AHNAK2: variants seen among roughly 807,000 people sequenced by gnomAD.
AHNAK2 encodes the protein protein AHNAK2.
Under a neutral mutation model 30.7 loss-of-function variants are expected in AHNAK2, and 18 were observed. That is an observed-to-expected ratio of 0.59 (90% confidence interval 0.41 to 0.87). AHNAK2 has a LOEUF of 0.87. Among genes scored for constraint, AHNAK2 ranks in the 40% least tolerant of loss-of-function variants. The probability of loss-of-function intolerance (pLI) is 0.00; values close to 1 mark genes in which losing one functional copy is unlikely to be tolerated. For synonymous variants in AHNAK2, 3,590 were observed against 3,073.8 expected (o/e 1.17, Z -5.56); for missense variants, 8,604 against 7,373.0 (o/e 1.17, Z -6.11).
rs750931427 is a variant in AHNAK2 at position 104,951,030 on chromosome 14, C to G, written c.4421G>C (p.Arg1474Pro). The G allele has an allele frequency of 9.4e-6, 10 of 1,062,428 alleles. 4 individuals carry two copies. The highest frequency in any genetic ancestry group is 5.8e-5 in the African/African-American group (4 of 69,014). 65.8% of individuals were successfully genotyped at this position (1,062,428 alleles called of 1,614,324 possible). Residue 1474 changes from arginine (R) to proline (P), a missense_variant, in exon 7 of 7, where the codon CGG becomes CCG. By Grantham distance (103) the Arg-to-Pro change is moderately radical. Transcript: ENST00000333244. ...GGCCAGGGACATGTCCTCCTCCAGC[C>G]GTCCACCATCCAGCTTGGCTCCTGG... ...EAPGAKLDGG[R>P]LEEDMSLADK...
intron 1 of AHNAK2, among the ~76,000 whole-genome samples, chr14:104,976,385 G>A (rs1382754340): frequency 2.0e-5 from 3 of 152,218 alleles, no homozygotes; most frequent in Non-Finnish European, 4.4e-5. Context: ...ACAGGAAGAC[G>A]AGAGCAGGGG....
rs370273950 is a variant in AHNAK2, at chr14:104,947,574, T to G, written c.7877A>C (p.Asp2626Ala). 2 of 1,612,842 alleles carry G rather than the reference T, an allele frequency of 1.2e-6. No individual in the cohort carries two copies. Among genetic ancestry groups the G allele is most frequent in the African/African-American group, 1.3e-5 (1 of 74,548 alleles). Residue 2626 changes from aspartate to alanine, a missense_variant, in exon 7 of 7, where the codon GAT (aspartate) becomes GCT (alanine). Transcript: ENST00000333244. Reference protein sequence around the residue: ...VDVQAPRAKLDGARLEGDLSL... With the variant: ...VDVQAPRAKLAGARLEGDLSL... ...CAGGTCCCCCTCCAGCCGCGCACCA[T>G]CCAGCTTTGCTCTCGGGGCCTGGAC...
At position 104,943,789 on chromosome 14, in the gene AHNAK2, T is replaced by C. The variant is rs1383110003; in HGVS notation, c.11662A>G (p.Lys3888Glu). Residue 3888 changes from lysine to glutamate, a missense_variant, in exon 7 of 7, where the codon AAG (lysine) becomes GAG (glutamate). Lys to Glu is a moderately conservative substitution (Grantham distance 56). Coordinates refer to ENST00000333244, the MANE Select transcript of AHNAK2 (RefSeq NM_138420.4). ...ATCTTGAAACTGGGCATCTGCACCTTGGGCAGGTGTCCTTTGAGGCCGGCT... is the reference window on the plus strand; with the variant it reads ...ATCTTGAAACTGGGCATCTGCACCTCGGGCAGGTGTCCTTTGAGGCCGGCT... ...EEAGLKGHLP[K>E]VQMPSFKMPK... The C allele has an allele frequency of 6.2e-7, 1 of 1,612,978 alleles. No individual in the cohort carries two copies. Among genetic ancestry groups the C allele is most frequent in the Non-Finnish European group, 8.5e-7 (1 of 1,179,564 alleles).
Position 104,939,887 on chromosome 14 carries a change from G to C in AHNAK2, c.15564C>G (p.Ser5188Arg), listed in dbSNP as rs367921698. ...EEAMTKYSQE[S>R]WFKMPKFRMP... is the part of the protein sequence containing the mutation. ...TGCGGAACTTGGGCATTTTAAACCA[G>C]CTTTCCTGCGAGTACTTGGTCATGG... The change falls in exon 7 of 7, where the codon AGC becomes AGG. Residue 5188 changes from serine to arginine, a missense_variant. Physicochemically the swap from Ser to Arg is moderately radical, Grantham distance 110. Coordinates refer to ENST00000333244, the MANE Select transcript of AHNAK2 (RefSeq NM_138420.4). 8.7e-6 allele frequency: 14 copies of C among 1,613,438 alleles called. No individual in the cohort carries two copies. The Admixed American group carries it at 1.0e-4, about 12-fold the overall frequency.
intron 4 of AHNAK2, 74 bp from the exon 5 acceptor site, chr14:104,955,707 G>C: frequency 6.5e-7 from 1 of 1,541,730 alleles, no homozygotes. Flanking sequence ...TGGGGCCTGT[G>C]TCTCCAGAGG....
intron 1 of AHNAK2, among the ~76,000 whole-genome samples, chr14:104,973,282 TG>T (rs1222354349): frequency 6.6e-6 from 1 of 152,142 alleles, no homozygotes; most frequent in Admixed American, 6.5e-5. Flanking sequence ...GGAGTCGCCA[TG>T]GGAACTCGGC....
intron 1 of AHNAK2, among the ~76,000 whole-genome samples, chr14:104,962,162 C>T (rs533005379): frequency 2.8e-4 from 42 of 152,278 alleles, no homozygotes; most frequent in Non-Finnish European, 5.9e-5. Flanking sequence ...CATCAACCAA[C>T]GAGACCAAAC....
chr14:104,953,417 G>C lies in AHNAK2; in HGVS notation c.2034C>G (p.Pro678=), dbSNP rs1207761582. 6.8e-6 allele frequency: 11 copies of C among 1,614,008 alleles called. No homozygotes were observed. Among genetic ancestry groups the C allele is most frequent in the Non-Finnish European group, 9.3e-6 (11 of 1,179,890 alleles). Residue 678 remains proline (P), a synonymous_variant, in exon 7 of 7, where the codon CCC becomes CCG. Coordinates refer to ENST00000333244, the MANE Select transcript of AHNAK2 (RefSeq NM_138420.4). ...CCCCGAACAATGGCATCTTGAACTT[G>C]GGCATTTTGAACTTGCTGTCTTTGG... The part of the protein sequence containing the change: ...VATKDSKFKM[P]KFKMPLFGAS...
rs759209382 is a variant in AHNAK2 at position 104,950,245 on chromosome 14, C to T, written c.5206G>A (p.Gly1736Ser). Residue 1736 changes from glycine (G) to serine (S), a missense_variant, in exon 7 of 7, where the codon GGC (glycine) becomes AGC (serine). Physicochemically the swap from Gly to Ser is moderately conservative, Grantham distance 56. Coordinates refer to ENST00000333244, the MANE Select transcript of AHNAK2 (RefSeq NM_138420.4). ...ACCTTGGGGAGGTGCCCTTTGAAGC[C>T]GGCTCCCTCGGGAAGGGGGCCCTCC... ...LPEGPLPEGA[G>S]FKGHLPKVQM... 19 of 1,585,504 alleles carry T rather than the reference C, an allele frequency of 1.2e-5. 3 individuals are homozygous for T. The highest frequency in any genetic ancestry group is 7.8e-5 in the South Asian group (7 of 89,814).
At chr14:104,962,001 G>C (rs984420239) in intron 1 of AHNAK2, among the ~76,000 whole-genome samples, 1 of 152,094 alleles carries the variant, frequency 6.6e-6, no homozygotes, top group Non-Finnish European at 1.5e-5. Flanking sequence ...AAAACACCTA[G>C]ATCTCCTTTT....
At position 104,950,267 on chromosome 14, in the gene AHNAK2, C is replaced by T. The variant is rs781573557; in HGVS notation, c.5184G>A (p.Glu1728=). ...AGCCGGCTCCCTCGGGAAGGGGGCCCTCCGGGAGTTTCACGTTCACTTGGC... is the reference window on the plus strand; with the variant it reads ...AGCCGGCTCCCTCGGGAAGGGGGCCTTCCGGGAGTTTCACGTTCACTTGGC... The part of the protein sequence containing the change: ...QAGQVNVKLP[E]GPLPEGAGFK... The change falls in exon 7 of 7, where the codon GAG becomes GAA. Residue 1728 remains glutamate (E), a synonymous_variant. Transcript: ENST00000333244. The T allele has an allele frequency of 3.2e-6, 5 of 1,585,424 alleles. No individual in the cohort carries two copies. The highest frequency in any genetic ancestry group is 2.8e-5 in the African/African-American group (2 of 71,750).
At position 104,945,251 on chromosome 14, in the gene AHNAK2, C is replaced by T; in HGVS notation, c.10200G>A (p.Lys3400=). 1 of 1,613,036 alleles carries T rather than the reference C, an allele frequency of 6.2e-7. No individual in the cohort carries two copies. The highest frequency in any genetic ancestry group is 8.5e-7 in the Non-Finnish European group (1 of 1,179,602). ...GGCTCTTGAGGTCCACTTTGGGCAT[C>T]TTGAAACTGGGCATCTCCACCTTGG... ...HLPKVEMPSF[K]MPKVDLKSPQ... is the part of the protein sequence containing the mutation. Residue 3400 remains lysine, a synonymous_variant, in exon 7 of 7, where the codon AAG becomes AAA. Coordinates refer to ENST00000333244, the MANE Select transcript of AHNAK2 (RefSeq NM_138420.4).
At position 104,946,172 on chromosome 14, in the gene AHNAK2, C is replaced by T. The variant is rs751826333; in HGVS notation, c.9279G>A (p.Pro3093=). The stretch of plus-strand genomic sequence containing the variant: ...CGTCGGGGGCCGTCACGTCCGTCTT[C>T]GGGCCTTTCAGGTCCAGCTTGGGGC... The part of the protein sequence containing the change: ...VKGPKLDLKG[P]KTDVTAPDVE... Residue 3093 remains proline, a synonymous_variant, in exon 7 of 7, where the codon CCG becomes CCA. Transcript: ENST00000333244. 3.9e-5 allele frequency: 62 copies of T among 1,606,234 alleles called. No individual in the cohort carries two copies. Among genetic ancestry groups the T allele is most frequent in the East Asian group, 1.1e-4 (5 of 44,488 alleles).
intron 1 of AHNAK2, among the ~76,000 whole-genome samples, chr14:104,977,018 G>T (rs1899609633): frequency 6.6e-6 from 1 of 152,130 alleles, no homozygotes; most frequent in East Asian, 1.9e-4. Flanking sequence ...GTGCTGTAGG[G>T]GCCTCCCTGC....
chr14:104,962,293 C>A (rs1899170511), intron 1 of AHNAK2, among the ~76,000 whole-genome samples: 1 of 152,208 alleles, frequency 6.6e-6, no homozygotes, highest in Non-Finnish European at 1.5e-5. Context: ...TTTAAAATAA[C>A]TTCAGTCATC....
rs536665418 is a variant in AHNAK2 at position 104,945,601 on chromosome 14, T to G, written c.9850A>C (p.Lys3284Gln). Residue 3284 changes from lysine (K) to glutamine (Q), a missense_variant, in exon 7 of 7, where the codon AAG becomes CAG. Physicochemically the swap from Lys to Gln is moderately conservative, Grantham distance 53. Transcript: ENST00000333244. ...MEVDVEAPGA[K>Q]LDGARLEGDL... ...CCCTCCAGCCGTGCACCATCCAACT[T>G]GGCTCCTGGGGCCTCGACGTCCACC... is the stretch of plus-strand genomic sequence containing the variant. The G allele has an allele frequency of 8.7e-6, 14 of 1,602,994 alleles. No homozygotes were observed. In the East Asian group the frequency reaches 2.9e-4, roughly 33 times the overall value.
Position 104,954,864 on chromosome 14 carries a change from A to G in AHNAK2, c.652-65T>C, listed in dbSNP as rs1248964653. 2.6e-6 allele frequency: 4 copies of G among 1,538,802 alleles called. No homozygotes were observed. The highest frequency in any genetic ancestry group is 3.5e-6 in the Non-Finnish European group (4 of 1,145,356). ...AGAAGCCTGGGGCCCTGGCCCAGGGACAGATGGAGTGGGAGTGCTATCCCC... is the reference window on the plus strand; with the variant it reads ...AGAAGCCTGGGGCCCTGGCCCAGGGGCAGATGGAGTGGGAGTGCTATCCCC... On this transcript the variant is annotated intron_variant, in intron 6 of 6. Transcript: ENST00000333244. This position sits in a 1 kb window ranked among gnomAD's most constrained non-coding sequence, Gnocchi z 4.3.
intron 1 of AHNAK2, among the ~76,000 whole-genome samples, chr14:104,976,453 C>A (rs1899594299): frequency 6.6e-6 from 1 of 152,112 alleles, no homozygotes; most frequent in Non-Finnish European, 1.5e-5. Context: ...AGGCCTGGAC[C>A]AAATCCAGGC....
intron 1 of AHNAK2, among the ~76,000 whole-genome samples, chr14:104,967,522 C>G (rs996892087): frequency 6.6e-6 from 1 of 152,228 alleles, no homozygotes. Context: ...GAGGAGGAGA[C>G]GTGACCAGCC....
Sources: allele counts gnomAD v4.1 joint callset (sites outside exome capture counted in the v4.1 genomes callset), GRCh38; gene constraint gnomAD v4.1.1; non-coding constraint Gnocchi (gnomAD v3.1); transcripts MANE v1.5; gene names NCBI Gene and HGNC (gene_info 2026-07-23, HGNC 2026-07-21).